Variants in PACRG observed in about 807,000 individuals in gnomAD.
PACRG encodes the protein parkin coregulated.
PACRG carries 29 observed loss-of-function variants against 29.7 expected under a neutral mutation model. The ratio of observed to expected loss-of-function variants is 0.98; its 90% CI spans 0.73 to 1.33. PACRG has a LOEUF of 1.33. PACRG is among the 40% of genes most tolerant of loss of function. The probability of loss-of-function intolerance (pLI) is 0.00; values close to 1 mark genes in which losing one functional copy is unlikely to be tolerated. For synonymous variants in PACRG, 116 were observed against 118.7 expected (o/e 0.98, Z 0.15); for missense variants, 279 against 316.2 (o/e 0.88, Z 0.89).
chr6:163,059,079 C>G (rs946642261), intron 2 of PACRG, among the ~76,000 whole-genome samples: 1 of 68,436 alleles, frequency 1.5e-5, no homozygotes, highest in Non-Finnish European at 3.0e-5. Context: ...AACTCCATCT[C>G]AAAAAAAAAA....
chr6:162,856,108 G>A (rs1012531472), intron 2 of PACRG, among the ~76,000 whole-genome samples: 1 of 152,158 alleles, frequency 6.6e-6, no homozygotes, highest in Non-Finnish European at 1.5e-5. Context: ...CCAGGCTGGA[G>A]TGCAGTGGTG....
intron 1 of PACRG, among the ~76,000 whole-genome samples, chr6:162,789,177 A>G (rs965162574): frequency 1.3e-5 from 2 of 152,202 alleles, no homozygotes; most frequent in Non-Finnish European, 2.9e-5. Context: ...ATCTAAAAGA[A>G]TGGAAAATAT....
intron 2 of PACRG, among the ~76,000 whole-genome samples, chr6:162,877,425 G>A (rs1230691186): frequency 2.6e-5 from 4 of 151,968 alleles, no homozygotes; most frequent in Non-Finnish European, 4.4e-5. Context: ...TCACACACCA[G>A]GGCCTGTTGG....
At chr6:163,250,603 C>G (rs1403147953) in intron 4 of PACRG, among the ~76,000 whole-genome samples, 1 of 152,114 alleles carries the variant, frequency 6.6e-6, no homozygotes, top group African/African-American at 2.4e-5. Context: ...TTTGGATGCC[C>G]TTTATTTCTT....
At chr6:162,908,731 AG>A (rs1280903221) in intron 2 of PACRG, among the ~76,000 whole-genome samples, 1 of 152,186 alleles carries the variant, frequency 6.6e-6, no homozygotes, top group Non-Finnish European at 1.5e-5. Flanking sequence ...CATTATGGAC[AG>A]GGGCATGGCA....
chr6:163,217,791 A>G (rs1295733026), intron 4 of PACRG, among the ~76,000 whole-genome samples: 1 of 151,946 alleles, frequency 6.6e-6, no homozygotes, highest in African/African-American at 2.4e-5. Context: ...GTGAGAATCT[A>G]ATGCCTGATG....
intron 1 of PACRG, among the ~76,000 whole-genome samples, chr6:162,728,795 C>G (rs1465340575): frequency 2.0e-5 from 3 of 152,128 alleles, no homozygotes; most frequent in Non-Finnish European, 4.4e-5. Flanking sequence ...TGATATACAA[C>G]CGGGAACATA....
chr6:163,208,540 AT>A (rs777073330), intron 4 of PACRG, among the ~76,000 whole-genome samples: 1 of 152,174 alleles, frequency 6.6e-6, no homozygotes, highest in South Asian at 2.1e-4. Flanking sequence ...TTATTTAGCT[AT>A]TTTTAGTGTG....
chr6:162,818,131 G>T (rs1787517911), intron 2 of PACRG, among the ~76,000 whole-genome samples: 1 of 152,024 alleles, frequency 6.6e-6, no homozygotes, highest in African/African-American at 2.4e-5. Context: ...ATGTTAATCT[G>T]TTTCTTTTGC....
At chr6:162,855,446 CTTA>C (rs776698841) in intron 2 of PACRG, among the ~76,000 whole-genome samples, 17 of 151,806 alleles carry the variant, frequency 1.1e-4, no homozygotes, top group Non-Finnish European at 2.5e-4. Context: ...TAAATTATAT[CTTA>C]TTATCTGATG....
chr6:163,285,256 C>CT (rs1342690136), intron 4 of PACRG, among the ~76,000 whole-genome samples: 41 of 152,122 alleles, frequency 2.7e-4, no homozygotes, highest in Non-Finnish European at 5.0e-4. Context: ...ACCGCAGGGC[C>CT]TTTGCGCAAA....
chr6:163,198,776 C>T lies in PACRG; in HGVS notation c.613+109368C>T, dbSNP rs192151528. Among the ~76,000 whole-genome samples the T allele has an allele frequency of 6.1e-3, 934 of 152,286 alleles. 1 individual carries two copies. The highest frequency in any genetic ancestry group is 9.2e-3 in the Non-Finnish European group (628 of 68,042). ...GCCAAGGTTGAGGACACGCCCATGA[C>T]ACAGCCTCAGGAAGTTGTGACGACG... On this transcript the variant is annotated intron_variant, in intron 4 of 4. Coordinates refer to ENST00000366888, the MANE Select transcript of PACRG (RefSeq NM_001080379.2).
At chr6:163,191,821 C>T (rs1484074472) in intron 4 of PACRG, 1 of 454,302 alleles carries the variant, frequency 2.2e-6, no homozygotes, top group South Asian at 1.6e-5. Flanking sequence ...TCTCTAAACC[C>T]TGTAACACTT....
At chr6:163,015,506 T>A (rs191085956) in intron 2 of PACRG, among the ~76,000 whole-genome samples, 1 of 152,290 alleles carries the variant, frequency 6.6e-6, no homozygotes, top group Middle Eastern at 3.4e-3. Context: ...TTTTCATTCA[T>A]TTGTGTCATC....
At chr6:163,102,129 C>T (rs916848738) in intron 4 of PACRG, among the ~76,000 whole-genome samples, 3 of 152,104 alleles carry the variant, frequency 2.0e-5, no homozygotes, top group South Asian at 2.1e-4. Flanking sequence ...TTTTCACTAC[C>T]GTCGGGAAAC....
At chr6:162,895,132 T>C (rs1041993082) in intron 2 of PACRG, among the ~76,000 whole-genome samples, 33 of 149,630 alleles carry the variant, frequency 2.2e-4, no homozygotes, top group African/African-American at 8.1e-4. Context: ...TAGCCATGTG[T>C]GGTGGCATGC....
chr6:162,902,063 C>T (rs759454784), intron 2 of PACRG, among the ~76,000 whole-genome samples: 26 of 152,142 alleles, frequency 1.7e-4, no homozygotes, highest in Non-Finnish European at 2.8e-4. Context: ...TCTTCTTAAT[C>T]GTTTTTTGTT....
intron 2 of PACRG, among the ~76,000 whole-genome samples, chr6:162,954,505 A>AT (rs1286943541): frequency 2.0e-5 from 3 of 148,224 alleles, no homozygotes; most frequent in East Asian, 1.9e-4. Context: ...TTTAAACATT[A>AT]TTTTTTTACT....
chr6:163,093,072 G>A lies in PACRG; in HGVS notation c.613+3664G>A, dbSNP rs183545308. On this transcript the variant is annotated intron_variant, in intron 4 of 4. Transcript: ENST00000366888. Reference sequence around the variant, plus strand: ...AGTGGCCAAATAAGTGAAAGACTCAGATTCATTCACTGGTAACAGGTTTTC... The same window carrying A: ...AGTGGCCAAATAAGTGAAAGACTCAAATTCATTCACTGGTAACAGGTTTTC... Among the ~76,000 whole-genome samples the A allele has an allele frequency of 2.6e-5, 4 of 152,332 alleles. No homozygotes were observed. In the South Asian group the frequency reaches 6.2e-4, roughly 24 times the overall value.
Sources: gnomAD v4.1 joint callset for allele counts (sites outside exome capture counted in the v4.1 genomes callset) on GRCh38, gnomAD v4.1.1 for gene constraint, MANE v1.5 for transcripts, NCBI Gene and HGNC (gene_info 2026-07-23, HGNC 2026-07-21) for gene names.